CAST: variants seen among roughly 807,000 people sequenced by gnomAD.
CAST encodes the protein MIR583 host.
A neutral mutation model predicts 119.6 loss-of-function variants in CAST; 76 were observed. The ratio of observed to expected loss-of-function variants is 0.64; its 90% confidence interval spans 0.53 to 0.77. CAST has a LOEUF of 0.77. Ranked by LOEUF, CAST falls within the 30% of genes least tolerant of loss-of-function variation. The pLI is 0.00. For missense variants in CAST, 953 were observed against 946.5 expected (o/e 1.01, Z -0.09); for synonymous variants, 319 against 331.6 (o/e 0.96, Z 0.41).
chr5:96,174,128 G>T, the CAST span, among the ~76,000 whole-genome samples: 8 of 152,126 alleles, frequency 5.3e-5, no homozygotes, highest in African/African-American at 1.9e-4. Context: ...TGAAGATAAA[G>T]AATCTGAGGA....
At chr5:96,345,894 G>A in the CAST span, among the ~76,000 whole-genome samples, 1 of 152,198 alleles carries the variant, frequency 6.6e-6, no homozygotes, top group African/African-American at 2.4e-5. Context: ...GAAAGTCAGG[G>A]TGTTTTTGTA....
the CAST span, among the ~76,000 whole-genome samples, chr5:96,124,448 A>C: frequency 1.3e-5 from 2 of 152,156 alleles, no homozygotes; most frequent in East Asian, 3.9e-4. Context: ...CTAACCTAAA[A>C]ATTTCAAGCA....
At chr5:96,425,743 A>T in the CAST span, 3 of 775,686 alleles carry the variant, frequency 3.9e-6, no homozygotes, top group East Asian at 2.5e-5. Flanking sequence ...AAAAAAAAAA[A>T]TCCATGTTGC....
At chr5:96,284,489 T>C in the CAST span, among the ~76,000 whole-genome samples, 4 of 152,148 alleles carry the variant, frequency 2.6e-5, no homozygotes, top group Non-Finnish European at 5.9e-5. Context: ...GGGCTCTATT[T>C]TGGGGCTCCC....
chr5:96,425,005 AAGAAAAGAAAGAAAGAAAGAAAG>A, the CAST span, among the ~76,000 whole-genome samples: 3 of 128,702 alleles, frequency 2.3e-5, no homozygotes, highest in African/African-American at 1.0e-4. Flanking sequence ...AAGAGAAAGA[AAGAAAAGAAAGAAAGAAAGAAAG>A]AAAGAAAGAA....
chr5:96,139,976 T>C, the CAST span, among the ~76,000 whole-genome samples: 2 of 152,188 alleles, frequency 1.3e-5, no homozygotes, highest in African/African-American at 4.8e-5. Flanking sequence ...GGGTTACTAG[T>C]ACACAAAAGA....
At chr5:96,316,646 C>T in the CAST span, among the ~76,000 whole-genome samples, 1 of 152,122 alleles carries the variant, frequency 6.6e-6, no homozygotes, top group East Asian at 1.9e-4. Flanking sequence ...TAGAGGGGAA[C>T]CGTGAGAGAA....
chr5:96,171,399 G>T, the CAST span, among the ~76,000 whole-genome samples: 2 of 152,154 alleles, frequency 1.3e-5, no homozygotes, highest in Admixed American at 6.5e-5. Context: ...TAGTGAAGGA[G>T]GCAAGCCCAG....
chr5:96,566,699 G>A (rs1049021653), intron 1 of CAST, among the ~76,000 whole-genome samples: 5 of 152,122 alleles, frequency 3.3e-5, no homozygotes, highest in African/African-American at 7.2e-5. Flanking sequence ...AGATAGATTC[G>A]CAATTTTAAA....
the CAST span, among the ~76,000 whole-genome samples, chr5:96,419,389 T>A: frequency 6.8e-6 from 1 of 148,082 alleles, no homozygotes; most frequent in Non-Finnish European, 1.5e-5. Context: ...ACTTATTATA[T>A]ATATATATAT....
intron 4 of CAST, among the ~76,000 whole-genome samples, chr5:96,726,561 GAAACCTTCGCTGAAAA>G (rs1179922255): frequency 6.6e-6 from 1 of 152,102 alleles, no homozygotes; most frequent in Non-Finnish European, 1.5e-5. Context: ...TTTATTAATG[GAAACCTTCGCTGAAAA>G]AAACCTTCAC....
the CAST span, among the ~76,000 whole-genome samples, chr5:96,290,375 T>A: frequency 6.6e-6 from 1 of 152,194 alleles, no homozygotes; most frequent in African/African-American, 2.4e-5. Context: ...ACAATTTTCA[T>A]AAGGCAATGA....
the CAST span, among the ~76,000 whole-genome samples, chr5:96,376,321 G>T: frequency 6.6e-6 from 1 of 151,852 alleles, no homozygotes; most frequent in African/African-American, 2.4e-5. Flanking sequence ...GCGTCCAGTG[G>T]TATAAAAGTA....
At chr5:95,968,388 A>C in the CAST span, among the ~76,000 whole-genome samples, 1 of 152,224 alleles carries the variant, frequency 6.6e-6, no homozygotes, top group Non-Finnish European at 1.5e-5. Flanking sequence ...TGGTATAACA[A>C]ATATGCACAG....
the CAST span, among the ~76,000 whole-genome samples, chr5:96,423,776 C>A: frequency 2.0e-4 from 30 of 152,288 alleles, no homozygotes; most frequent in East Asian, 5.8e-3. Flanking sequence ...CATGCTCAAC[C>A]CTTTCATCTA....
chr5:96,108,578 T>C, the CAST span, among the ~76,000 whole-genome samples: 21 of 151,996 alleles, frequency 1.4e-4, no homozygotes, highest in East Asian at 3.9e-4. Flanking sequence ...GCAGTGTGCC[T>C]GTTCTCAGAT....
chr5:96,741,042 A>G lies in CAST; in HGVS notation c.919-224A>G. 5.0e-6 allele frequency: 3 copies of G among 595,200 alleles called. No homozygotes were observed. The African/African-American group carries it at 5.6e-5, about 11-fold the overall frequency. The allele number at this position is 595,200 out of a possible 1,614,324, so 36.9% of individuals were successfully genotyped here. A position where few individuals can be genotyped will look rare whatever the true frequency, so the allele number is the denominator to read the frequency against. On this transcript the variant is annotated intron_variant, in intron 13 of 31. Transcript: ENST00000675179. Reference sequence around the variant, plus strand: ...GAATATTATGCATGTTCATAATAATAGAATGAGAATGTAACTCCTTTTGAA... The same window carrying G: ...GAATATTATGCATGTTCATAATAATGGAATGAGAATGTAACTCCTTTTGAA...
At chr5:96,367,889 C>T in the CAST span, among the ~76,000 whole-genome samples, 1 of 152,018 alleles carries the variant, frequency 6.6e-6, no homozygotes, top group Non-Finnish European at 1.5e-5. Context: ...GTTAGAAATG[C>T]AGAAATCACC....
the CAST span, chr5:96,432,137 T>C: frequency 6.5e-7 from 1 of 1,535,718 alleles, no homozygotes; most frequent in Non-Finnish European, 8.7e-7. Context: ...GTTCGGCATC[T>C]CGACCCTGCA....
Sources: gnomAD v4.1 joint callset for allele counts (sites outside exome capture counted in the v4.1 genomes callset) on GRCh38, gnomAD v4.1.1 for gene constraint, MANE v1.5 for transcripts, NCBI Gene and HGNC (gene_info 2026-07-23, HGNC 2026-07-21) for gene names.